The following QPCT variants were observed in gnomAD, a reference collection of about 807,000 sequenced individuals.
QPCT encodes EC.
QPCT carries 44 observed loss-of-function variants against 43.4 expected under a neutral mutation model. That is an observed-to-expected ratio of 1.01 (90% CI 0.80 to 1.30). The LOEUF (loss-of-function observed/expected upper bound fraction) is 1.30. Among genes scored for constraint, QPCT ranks in the 50% most tolerant of loss-of-function variants. QPCT has a pLI of 0.00. For synonymous variants in QPCT, 168 were observed against 168.4 expected (o/e 1.00, Z 0.02); for missense variants, 526 against 436.5 (o/e 1.21, Z -1.83).
chr2:37,372,559 A>G, intron 6 of QPCT, 87 bp downstream of exon 6: 1 of 1,467,406 alleles, frequency 6.8e-7, no homozygotes. Context: ...GAAAGTACAC[A>G]GATGATGATG....
rs746307074 is a variant in QPCT, at chr2:37,344,815, G to C, written c.84G>C (p.Gly28=). The change falls in exon 1 of 7, where the codon GGG becomes GGC. Residue 28 remains glycine, a synonymous_variant. Coordinates refer to ENST00000338415, the MANE Select transcript of QPCT (RefSeq NM_012413.4). ...CCGCCCTGCCCTGGGCATCCAGGGG[G>C]GTCAGTCCGAGTGCCTCAGCCTGGC... ...LVAALPWASR[G]VSPSASAWPE... 1.2e-6 allele frequency: 2 copies of C among 1,607,844 alleles called. No homozygotes were observed. Among genetic ancestry groups the C allele is most frequent in the East Asian group, 4.5e-5 (2 of 44,572 alleles).
intron 4 of QPCT, among the ~76,000 whole-genome samples, chr2:37,367,997 T>C (rs913051782): frequency 1.4e-4 from 22 of 152,184 alleles, no homozygotes; most frequent in African/African-American, 5.3e-4. Flanking sequence ...TGGGAGCACA[T>C]TCCCCCAGTA....
At chr2:37,348,857 C>G (rs1672562787) in intron 1 of QPCT, among the ~76,000 whole-genome samples, 1 of 152,172 alleles carries the variant, frequency 6.6e-6, no homozygotes, top group African/African-American at 2.4e-5. Flanking sequence ...TGAGATAAAC[C>G]TACAATAAAT....
intron 3 of QPCT, 51 bp downstream of exon 3, chr2:37,359,909 C>G: frequency 6.4e-7 from 1 of 1,551,162 alleles, no homozygotes; most frequent in South Asian, 1.2e-5. Context: ...TTAACAGTAA[C>G]TCAGAGTGAA....
At chr2:37,352,465 G>A (rs932344920) in intron 1 of QPCT, among the ~76,000 whole-genome samples, 3 of 151,806 alleles carry the variant, frequency 2.0e-5, no homozygotes, top group Non-Finnish European at 2.9e-5. Context: ...CTAGAACAAC[G>A]GGCATGCACC....
At chr2:37,349,965 C>A (rs1474468972) in intron 1 of QPCT, among the ~76,000 whole-genome samples, 1 of 152,028 alleles carries the variant, frequency 6.6e-6, no homozygotes, top group East Asian at 1.9e-4. Flanking sequence ...TGAACCAGGC[C>A]CTGTGTGGCC....
In QPCT at chr2:37,367,242, A is replaced by G. The variant is rs1672981039; in HGVS notation, c.557A>G (p.Asp186Gly). ...TGTTGTTTTTACCAGACTGTTTCAG[A>G]CTCCAAGCCAGATTTGTCACTCCAG... ...KKLLSLKTVS[D>G]SKPDLSLQLI... Residue 186 changes from aspartate (D) to glycine (G), a missense_variant, in exon 4 of 7, where the codon GAC (aspartate) becomes GGC (glycine). Coordinates refer to ENST00000338415, the MANE Select transcript of QPCT (RefSeq NM_012413.4). The G allele has an allele frequency of 6.2e-7, 1 of 1,612,350 alleles. No individual in the cohort carries two copies. Among genetic ancestry groups the G allele is most frequent in the East Asian group, 2.2e-5 (1 of 44,862 alleles).
intron 1 of QPCT, among the ~76,000 whole-genome samples, chr2:37,347,740 C>G (rs998220433): frequency 6.6e-6 from 1 of 152,160 alleles, no homozygotes; most frequent in Admixed American, 6.5e-5. Context: ...TTAGTACAGG[C>G]CCATTCCTTT....
At chr2:37,363,892 A>G (rs1672905491) in intron 3 of QPCT, among the ~76,000 whole-genome samples, 1 of 152,094 alleles carries the variant, frequency 6.6e-6, no homozygotes. Flanking sequence ...TAAATAAATC[A>G]ATAAAACAGT....
intron 5 of QPCT, among the ~76,000 whole-genome samples, 153 bp downstream of exon 5, chr2:37,369,937 G>A (rs999190108): frequency 2.0e-5 from 3 of 152,118 alleles, no homozygotes; most frequent in African/African-American, 7.2e-5. Context: ...AGATCAGCTA[G>A]GGTCAGGAGT....
chr2:37,367,247 A>G lies in QPCT; in HGVS notation c.562A>G (p.Lys188Glu), dbSNP rs1672981137. The change falls in exon 4 of 7, where the codon AAG (lysine) becomes GAG (glutamate). Residue 188 changes from lysine (K) to glutamate (E), a missense_variant. Physicochemically the swap from Lys to Glu is moderately conservative, Grantham distance 56. Transcript: ENST00000338415. ...TTTTTACCAGACTGTTTCAGACTCC[A>G]AGCCAGATTTGTCACTCCAGCTGAT... The part of the protein sequence containing the change: ...LLSLKTVSDS[K>E]PDLSLQLIFF... The G allele has an allele frequency of 3.1e-6, 5 of 1,613,790 alleles. No homozygotes were observed. Among genetic ancestry groups the G allele is most frequent in the Non-Finnish European group, 4.2e-6 (5 of 1,179,816 alleles).
At chr2:37,348,063 CG>C (rs1672542734) in intron 1 of QPCT, among the ~76,000 whole-genome samples, 14 of 148,470 alleles carry the variant, frequency 9.4e-5, no homozygotes, top group Middle Eastern at 3.4e-3. Context: ...CGCGCGCACG[CG>C]TGTGTGTGTG....
chr2:37,359,928 T>A (rs776018347), intron 3 of QPCT, 70 bp downstream of exon 3: 19 of 1,482,922 alleles, frequency 1.3e-5, no homozygotes, highest in Non-Finnish European at 1.7e-5. Flanking sequence ...AATTCTAGAA[T>A]CCTTGGAGGA....
Position 37,359,859 on chromosome 2 carries a change from G to GT in QPCT, c.546+2dup, listed in dbSNP as rs1356881643. ...AGACAAGAAACTCCTTTCCTTAAAG[G>GT]TATCTGTTTTCTGCTTATTGATTCC... On this transcript the variant is annotated splice_donor_variant, in intron 3 of 6. Coordinates refer to ENST00000338415, the MANE Select transcript of QPCT (RefSeq NM_012413.4). LOFTEE classifies it high-confidence loss of function. The GT allele has an allele frequency of 1.2e-6, 2 of 1,613,152 alleles. No individual in the cohort carries two copies. Among genetic ancestry groups the GT allele is most frequent in the Non-Finnish European group, 1.7e-6 (2 of 1,179,302 alleles).
intron 2 of QPCT, among the ~76,000 whole-genome samples, chr2:37,355,887 C>T (rs1232947823): frequency 6.6e-6 from 1 of 152,050 alleles, no homozygotes; most frequent in South Asian, 2.1e-4. Context: ...TGCATCTGAG[C>T]CACCGAAACT....
At chr2:37,348,071 T>C (rs1672543437) in intron 1 of QPCT, among the ~76,000 whole-genome samples, 1 of 151,956 alleles carries the variant, frequency 6.6e-6, no homozygotes, top group Admixed American at 6.6e-5. Context: ...CGCGTGTGTG[T>C]GTGTGTGTGT....
intron 1 of QPCT, among the ~76,000 whole-genome samples, chr2:37,347,934 A>G (rs1004141536): frequency 1.3e-5 from 2 of 152,206 alleles, no homozygotes; most frequent in Non-Finnish European, 2.9e-5. Context: ...CATTTTAGAA[A>G]ACTTGGAAAA....
At chr2:37,357,580 G>A (rs1181447823) in intron 2 of QPCT, among the ~76,000 whole-genome samples, 1 of 152,176 alleles carries the variant, frequency 6.6e-6, no homozygotes, top group Non-Finnish European at 1.5e-5. Flanking sequence ...TTCTTTTGAT[G>A]ATGTGATAAG....
intron 2 of QPCT, among the ~76,000 whole-genome samples, chr2:37,353,175 G>A (rs1160027404): frequency 6.6e-6 from 1 of 152,194 alleles, no homozygotes; most frequent in Non-Finnish European, 1.5e-5. Flanking sequence ...ACATTACACA[G>A]TCCTTCACTC....
Sources: gnomAD v4.1 joint callset for allele counts (sites outside exome capture counted in the v4.1 genomes callset) on GRCh38, gnomAD v4.1.1 for gene constraint, MANE v1.5 for transcripts, NCBI Gene and HGNC (gene_info 2026-07-23, HGNC 2026-07-21) for gene names.